Variants in SH3KBP1 observed in about 807,000 individuals in gnomAD.
SH3KBP1 encodes the protein SH3 domain containing kinase binding protein 1.
In SH3KBP1, 8 loss-of-function variants were observed where a neutral mutation model predicts 50.1. The observed-to-expected ratio is 0.16, with a 90% CI of 0.09 to 0.29. The LOEUF is 0.29. SH3KBP1 is among the 10% of genes least tolerant of loss of function. SH3KBP1 has a pLI of 1.00. For missense variants in SH3KBP1, 377 were observed against 535.2 expected (o/e 0.70, Z 2.92); for synonymous variants, 227 against 218.6 (o/e 1.04, Z -0.34).
At chrX:19,771,328 T>C (rs2065784287) in intron 2 of SH3KBP1, among the ~76,000 whole-genome samples, 1 of 111,708 alleles carries the variant, frequency 9.0e-6, no homozygotes, top group Non-Finnish European at 1.9e-5. Flanking sequence ...GGTAGGTCTA[T>C]GTGCTTTCAA....
rs756897166 is a variant in SH3KBP1 at position 19,594,974 on chromosome X, G to A, written c.1032C>T (p.Ser344=). 7 of 1,201,282 alleles carry A rather than the reference G, an allele frequency of 5.8e-6. No individual in the cohort carries two copies. Among genetic ancestry groups the A allele is most frequent in the Non-Finnish European group, 4.5e-6 (4 of 887,712 alleles). ...GNRPKKPPPP[S]APVIKQGAGT... ...CTGCCCCTTGTTTGATGACAGGAGC[G>A]GATGGAGGCGGTGGCTTCTTGGGTC... The change falls in exon 10 of 18, where the codon TCC becomes TCT. Residue 344 remains serine (S), a synonymous_variant. Coordinates refer to ENST00000397821, the MANE Select transcript of SH3KBP1 (RefSeq NM_031892.3).
chrX:19,749,370 A>C (rs185594286), intron 2 of SH3KBP1, among the ~76,000 whole-genome samples: 7 of 112,991 alleles, frequency 6.2e-5, no homozygotes. Flanking sequence ...GCCAGTGTTT[A>C]CTGCAACTTT....
At chrX:19,825,791 T>A (rs1469729666) in intron 2 of SH3KBP1, among the ~76,000 whole-genome samples, 1 of 111,600 alleles carries the variant, frequency 9.0e-6, no homozygotes, top group Non-Finnish European at 1.9e-5. Flanking sequence ...CGAGAGCTGT[T>A]TGAACCTGGG....
rs1347526692 is a variant in SH3KBP1 at position 19,804,891 on chromosome X, C to G, written c.162+31234G>C. Reference sequence around the variant, plus strand: ...CCCCAGCCCAAACCCTACCCCCCCCCCCCCACCCGCTGCCATCACAATCTG... The same window carrying G: ...CCCCAGCCCAAACCCTACCCCCCCCGCCCCACCCGCTGCCATCACAATCTG... On this transcript the variant is annotated intron_variant, in intron 2 of 17. Coordinates refer to ENST00000397821, the MANE Select transcript of SH3KBP1 (RefSeq NM_031892.3). Among the ~76,000 whole-genome samples, 382 of 84,197 alleles carry G rather than the reference C, an allele frequency of 4.5e-3. 3 individuals carry two copies. The highest frequency in any genetic ancestry group is 8.3e-3 in the South Asian group (8 of 960). The allele number at this position is 84,197 out of a possible 115,157, so 73.1% of individuals were successfully genotyped here. A position where few individuals can be genotyped will look rare whatever the true frequency, so the allele number is the denominator to read the frequency against.
At chrX:19,664,365 A>G (rs185764169) in intron 6 of SH3KBP1, among the ~76,000 whole-genome samples, 10 of 111,527 alleles carry the variant, frequency 9.0e-5, no homozygotes, top group African/African-American at 3.3e-4. Flanking sequence ...GATATGGAAA[A>G]GTCAGGGTTG....
rs1431472147 is a variant in SH3KBP1, at chrX:19,835,009, C to G, written c.162+1116G>C. Among the ~76,000 whole-genome samples the G allele has an allele frequency of 3.8e-5, 4 of 105,376 alleles. No individual in the cohort carries two copies. In the Admixed American group the frequency reaches 4.1e-4, roughly 11 times the overall value. 91.5% of individuals were successfully genotyped at this position (105,376 alleles called of 115,157 possible). On this transcript the variant is annotated intron_variant, in intron 2 of 17. Coordinates refer to ENST00000397821, the MANE Select transcript of SH3KBP1 (RefSeq NM_031892.3). ...GAGAACAAGATCATGCCACTGCACT[C>G]CAACCTGGGCAACAGAGCAAGACTG...
intron 4 of SH3KBP1, among the ~76,000 whole-genome samples, chrX:19,705,571 T>C (rs1185204315): frequency 2.7e-5 from 3 of 111,420 alleles, no homozygotes; most frequent in South Asian, 7.4e-4. Flanking sequence ...ATGTTAATTA[T>C]CCAAAATTCG....
intron 6 of SH3KBP1, among the ~76,000 whole-genome samples, chrX:19,680,222 A>C (rs1294814745): frequency 9.2e-6 from 1 of 108,965 alleles, no homozygotes; most frequent in African/African-American, 3.3e-5. Context: ...TAAAAATACA[A>C]AAAAAAATTA....
intron 3 of SH3KBP1, among the ~76,000 whole-genome samples, chrX:19,735,727 G>C (rs1232382471): frequency 2.8e-5 from 2 of 71,312 alleles, no homozygotes; most frequent in Non-Finnish European, 5.2e-5. Flanking sequence ...TTTTTGGCGG[G>C]GGGGGGGGGT....
intron 2 of SH3KBP1, 85 bp downstream of exon 2, chrX:19,836,040 T>A: frequency 5.6e-6 from 5 of 889,855 alleles, no homozygotes; most frequent in Non-Finnish European, 8.1e-6. Context: ...AGAGAGTTCA[T>A]GCAATTCATC....
intron 6 of SH3KBP1, among the ~76,000 whole-genome samples, chrX:19,668,976 T>TA (rs1569405166): frequency 7.6e-4 from 46 of 60,621 alleles, no homozygotes; most frequent in Non-Finnish European, 9.9e-4. Flanking sequence ...ATATATATAT[T>TA]TTTTGAGACA....
Position 19,607,986 on chromosome X carries a change from G to A in SH3KBP1, c.957C>T (p.Pro319=), listed in dbSNP as rs199869591. ...GTGGAAGTAACTTCACGAAGTTATC[G>A]GGGAACACGCCTCGTCTGCCGTTCA... The part of the protein sequence containing the change: ...GELNGRRGVF[P]DNFVKLLPPD... The change falls in exon 9 of 18, where the codon CCC becomes CCT. Residue 319 remains proline, a synonymous_variant. Transcript: ENST00000397821. The A allele has an allele frequency of 6.3e-5, 76 of 1,209,623 alleles. No homozygotes were observed. In the East Asian group the frequency reaches 1.2e-3, roughly 19 times the overall value.
intron 2 of SH3KBP1, among the ~76,000 whole-genome samples, chrX:19,779,349 T>C (rs1411176800): frequency 9.2e-6 from 1 of 108,549 alleles, no homozygotes. Flanking sequence ...TAGCAAGATG[T>C]GCTAACATCA....
At chrX:19,575,372 A>G (rs2066167083) in intron 12 of SH3KBP1, among the ~76,000 whole-genome samples, 1 of 111,491 alleles carries the variant, frequency 9.0e-6, no homozygotes, top group African/African-American at 3.3e-5. Context: ...AGTGTTTTAC[A>G]TCTCTGGGAT....
intron 7 of SH3KBP1, 89 bp downstream of exon 7, chrX:19,645,311 G>T: frequency 1.5e-6 from 1 of 681,793 alleles, no homozygotes; most frequent in Non-Finnish European, 2.3e-6. Flanking sequence ...AAGCTATCAA[G>T]GTTATATAGG....
At chrX:19,703,640 C>T (rs2063576132) in intron 4 of SH3KBP1, among the ~76,000 whole-genome samples, 1 of 107,900 alleles carries the variant, frequency 9.3e-6, no homozygotes, top group African/African-American at 3.4e-5. Flanking sequence ...TTCAAAAAAA[C>T]TAGTCCATAC....
chrX:19,728,605 T>C (rs1470983188), intron 3 of SH3KBP1, among the ~76,000 whole-genome samples: 1 of 112,561 alleles, frequency 8.9e-6, no homozygotes. Flanking sequence ...GAACTTGATT[T>C]GTTCAACAAA....
chrX:19,834,637 C>A (rs1372241882), intron 2 of SH3KBP1, among the ~76,000 whole-genome samples: 1 of 111,949 alleles, frequency 8.9e-6, no homozygotes, highest in African/African-American at 3.2e-5. Context: ...GATGACTTCT[C>A]CAAAAGGCAT....
At chrX:19,848,287 C>A (rs944293692) in intron 1 of SH3KBP1, among the ~76,000 whole-genome samples, 5 of 111,794 alleles carry the variant, frequency 4.5e-5, no homozygotes, top group African/African-American at 1.6e-4. Context: ...GGCCAGCAAA[C>A]ACTACTAGGG....
Sources: gnomAD v4.1 joint callset for allele counts (sites outside exome capture counted in the v4.1 genomes callset) on GRCh38, gnomAD v4.1.1 for gene constraint, MANE v1.5 for transcripts, NCBI Gene and HGNC (gene_info 2026-07-23, HGNC 2026-07-21) for gene names.